The following UNC5B variants were observed in gnomAD, a reference collection of about 807,000 sequenced individuals.
The protein encoded by UNC5B is netrin receptor UNC5B.
In UNC5B, 56 loss-of-function variants were observed where a neutral mutation model predicts 103.7. That is an observed-to-expected ratio of 0.54 (90% CI 0.44 to 0.67). The LOEUF is 0.67. Among genes scored for constraint, UNC5B ranks in the 30% least tolerant of loss-of-function variants. The pLI is 0.00. For synonymous variants in UNC5B, 577 were observed against 542.0 expected, an observed-to-expected ratio of 1.06 and a Z score of -0.90; for missense variants, 1,194 against 1,284.5, an observed-to-expected ratio of 0.93 and a Z score of 1.08.
chr10:71,285,587 A>T (rs1423782824), intron 4 of UNC5B, among the ~76,000 whole-genome samples, 158 bp downstream of exon 4: 2 of 152,078 alleles, frequency 1.3e-5, no homozygotes, highest in African/African-American at 4.8e-5. Context: ...GAGAACTGTT[A>T]CCTCTGTCGA....
intron 1 of UNC5B, among the ~76,000 whole-genome samples, chr10:71,227,367 A>G (rs950092587): frequency 3.3e-5 from 5 of 152,072 alleles, no homozygotes; most frequent in African/African-American, 9.6e-5. Context: ...GAGCTAAGCT[A>G]TGAGGATGCA....
At chr10:71,275,003 T>C (rs754427853) in intron 1 of UNC5B, among the ~76,000 whole-genome samples, 1 of 152,178 alleles carries the variant, frequency 6.6e-6, no homozygotes, top group Non-Finnish European at 1.5e-5. Context: ...AACCTCCTCA[T>C]TTTACAGACA....
chr10:71,284,929 G>A lies in UNC5B; in HGVS notation c.448+66G>A. On this transcript the variant is annotated intron_variant, in intron 3 of 16. Coordinates refer to ENST00000335350, the MANE Select transcript of UNC5B (RefSeq NM_170744.5). ...TCCCCATCCCTGAGGATGCTGGAGA[G>A]GGAACTTCACATCTGTGGGGCCTCC... 4.6e-6 allele frequency: 7 copies of A among 1,525,492 alleles called. 1 individual carries two copies. Among genetic ancestry groups the A allele is most frequent in the Non-Finnish European group, 6.1e-6 (7 of 1,140,870 alleles). 94.5% of individuals were successfully genotyped at this position (1,525,492 alleles called of 1,614,324 possible).
intron 1 of UNC5B, among the ~76,000 whole-genome samples, chr10:71,235,081 G>GCTGCCTCTGACTCTGCCT (rs781112700): frequency 6.7e-6 from 1 of 149,506 alleles, no homozygotes; most frequent in Non-Finnish European, 1.5e-5. Flanking sequence ...ACTCGCTGCC[G>GCTGCCTCTGACTCTGCCT]CTGCCTCTGA....
At chr10:71,289,596 A>T (rs1251525248) in intron 8 of UNC5B, among the ~76,000 whole-genome samples, 1 of 152,238 alleles carries the variant, frequency 6.6e-6, no homozygotes, top group Non-Finnish European at 1.5e-5. Context: ...CACAATTTCC[A>T]GTTAGTTCTG....
chr10:71,249,882 C>T (rs1242695629), intron 1 of UNC5B, among the ~76,000 whole-genome samples: 1 of 152,178 alleles, frequency 6.6e-6, no homozygotes, highest in Non-Finnish European at 1.5e-5. Flanking sequence ...TTTTGGAGCC[C>T]AGATTTCCCT....
chr10:71,258,081 T>TA (rs1225324490), intron 1 of UNC5B, among the ~76,000 whole-genome samples: 1 of 152,212 alleles, frequency 6.6e-6, no homozygotes, highest in East Asian at 1.9e-4. Context: ...AGGCATTACT[T>TA]ATCCTCTAGG....
At chr10:71,252,649 G>A (rs1005744942) in intron 1 of UNC5B, among the ~76,000 whole-genome samples, 2 of 152,206 alleles carry the variant, frequency 1.3e-5, no homozygotes, top group Admixed American at 6.5e-5. Context: ...ACCCTATGAG[G>A]TAGGCATCAT....
At chr10:71,288,874 C>T in intron 7 of UNC5B, 84 bp from the exon 8 acceptor site, 1 of 1,571,654 alleles carries the variant, frequency 6.4e-7, no homozygotes, top group Non-Finnish European at 8.7e-7. Flanking sequence ...CATCCATCAT[C>T]TCATCTCATC....
At chr10:71,227,627 T>C (rs1316642004) in intron 1 of UNC5B, among the ~76,000 whole-genome samples, 8 of 144,648 alleles carry the variant, frequency 5.5e-5, no homozygotes, top group African/African-American at 1.5e-4. Context: ...TATACATATA[T>C]ACATATATAT....
chr10:71,214,907 C>A (rs573168460), intron 1 of UNC5B, among the ~76,000 whole-genome samples: 2 of 152,172 alleles, frequency 1.3e-5, no homozygotes, highest in African/African-American at 2.4e-5. Flanking sequence ...CTCTAATACC[C>A]GGCTTTGATT....
chr10:71,286,764 C>G lies in UNC5B; in HGVS notation c.628C>G (p.Leu210Val). 6.2e-7 allele frequency: 1 copy of G among 1,614,224 alleles called. No individual in the cohort carries two copies. The highest frequency in any genetic ancestry group is 1.7e-5 in the Admixed American group (1 of 60,034). ...TNFLLTIDHN[L>V]IIRQARLSDT... ...CTTCCTGCTCACCATCGACCACAAC[C>G]TCATCATCCGCCAGGCCCGCCTGTC... The change falls in exon 5 of 17, where the codon CTC becomes GTC. Residue 210 changes from leucine (L) to valine (V), a missense_variant. Leu to Val is a conservative substitution (Grantham distance 32). Coordinates refer to ENST00000335350, the MANE Select transcript of UNC5B (RefSeq NM_170744.5).
intron 1 of UNC5B, among the ~76,000 whole-genome samples, chr10:71,249,973 G>C (rs914622710): frequency 6.6e-6 from 1 of 152,166 alleles, no homozygotes; most frequent in Non-Finnish European, 1.5e-5. Context: ...ATATGTTTAG[G>C]CTCAGGAGAA....
At chr10:71,221,989 GTCA>G (rs149864220) in intron 1 of UNC5B, among the ~76,000 whole-genome samples, 675 of 151,396 alleles carry the variant, frequency 4.5e-3, no homozygotes, top group Non-Finnish European at 6.9e-3. Context: ...ATTCACTACT[GTCA>G]TCATCATCAT....
rs763454665 is a variant in UNC5B, at chr10:71,288,636, C to T, written c.970C>T (p.Arg324Cys). 6 of 1,613,972 alleles carry T rather than the reference C, an allele frequency of 3.7e-6. No homozygotes were observed. The highest frequency in any genetic ancestry group is 1.1e-5 in the South Asian group (1 of 91,076). The change falls in exon 7 of 17, where the codon CGC becomes TGC. Residue 324 changes from arginine (R) to cysteine (C), a missense_variant. Arg to Cys is a radical substitution (Grantham distance 180). Transcript: ENST00000335350. Reference sequence around the variant, plus strand: ...CACTGAGTGTGCCCACTGGCGTAGCCGCGAGTGCATGGCGCCCCCACCCCA... The same window carrying T: ...CACTGAGTGTGCCCACTGGCGTAGCTGCGAGTGCATGGCGCCCCCACCCCA... ...CSTECAHWRS[R>C]ECMAPPPQNG...
chr10:71,223,381 A>G (rs1399124298), intron 1 of UNC5B, among the ~76,000 whole-genome samples: 1 of 152,192 alleles, frequency 6.6e-6, no homozygotes, highest in Non-Finnish European at 1.5e-5. Context: ...CCAAAGAATT[A>G]GAAGATTTTT....
intron 1 of UNC5B, among the ~76,000 whole-genome samples, chr10:71,236,512 GGGA>G (rs1428924305): frequency 7.9e-5 from 12 of 152,210 alleles, no homozygotes; most frequent in Non-Finnish European, 2.9e-5. Flanking sequence ...AGCCGGGGCA[GGGA>G]GGAGCTGGCT....
At chr10:71,256,385 C>T (rs1027624129) in intron 1 of UNC5B, among the ~76,000 whole-genome samples, 8 of 152,214 alleles carry the variant, frequency 5.3e-5, no homozygotes, top group Admixed American at 1.3e-4. Flanking sequence ...TTATGGCTGC[C>T]GCGTCTCCCC....
At chr10:71,260,273 G>C (rs1046895278) in intron 1 of UNC5B, among the ~76,000 whole-genome samples, 1 of 152,254 alleles carries the variant, frequency 6.6e-6, no homozygotes, top group African/African-American at 2.4e-5. Context: ...CAGGATAGGG[G>C]AGGCAAGCAG....
Sources: allele counts gnomAD v4.1 joint callset (sites outside exome capture counted in the v4.1 genomes callset), GRCh38; gene constraint gnomAD v4.1.1; transcripts MANE v1.5; gene names NCBI Gene and HGNC (gene_info 2026-07-23, HGNC 2026-07-21).